WDR86: variants seen among roughly 807,000 people sequenced by gnomAD.
The protein encoded by WDR86 is WD repeat-containing protein 86.
A neutral mutation model predicts 36.5 loss-of-function variants in WDR86; 30 were observed. That is an observed-to-expected ratio of 0.82 (90% CI 0.61 to 1.11). The LOEUF (loss-of-function observed/expected upper bound fraction) is 1.11, where lower values mean the gene tolerates loss of function less well. WDR86 is among the 50% of genes most tolerant of loss of function. The pLI is 0.00. For synonymous variants in WDR86, 255 were observed against 252.9 expected (o/e 1.01, Z -0.08); for missense variants, 545 against 561.2 (o/e 0.97, Z 0.29).
At chr7:151,376,815 G>A, downstream of WDR86, 8 of 1,574,904 alleles carry the variant, frequency 5.1e-6, no homozygotes, top group Non-Finnish European at 1.7e-6. Context: ...TCCGCAGGTA[G>A]GTCTGAGGTC....
At position 151,385,098 on chromosome 7, in the gene WDR86, G is replaced by A. The variant is rs746427907; in HGVS notation, c.852C>T (p.His284=). 1.1e-5 allele frequency: 17 copies of A among 1,604,352 alleles called. No individual in the cohort carries two copies. The East Asian group carries it at 1.8e-4, about 17-fold the overall frequency. The part of the protein sequence containing the change: ...HRRNVSALKY[H]AGTLFTGSGD... ...GGCCAAGTCACTTACAGGTGCCCGC[G>A]TGGTACTTGAGGGCGCTCACGTTGC... The change falls in exon 4 of 6, where the codon CAC becomes CAT. Residue 284 remains histidine (H), a synonymous_variant. Transcript: ENST00000334493.
At chr7:151,403,721 G>A (rs915651865) in intron 1 of WDR86, among the ~76,000 whole-genome samples, 2 of 152,202 alleles carry the variant, frequency 1.3e-5, no homozygotes, top group African/African-American at 4.8e-5. Flanking sequence ...TTGTCAAAAC[G>A]CAGGCTAGAT....
chr7:151,385,411 G>T, intron 3 of WDR86, 188 bp from the exon 4 acceptor site: 1 of 995,704 alleles, frequency 1.0e-6, no homozygotes, highest in Non-Finnish European at 1.4e-6. Context: ...GGCTGCTCCT[G>T]CCCCATGGGG....
At chr7:151,378,717 C>T (rs1031944877), downstream of WDR86, among the ~76,000 whole-genome samples, 3 of 152,164 alleles carry the variant, frequency 2.0e-5, no homozygotes, top group Non-Finnish European at 4.4e-5. Context: ...TGAGGTGACG[C>T]GGAGTCTCAG....
At chr7:151,376,833 G>C (rs765234879), downstream of WDR86, 5 of 1,556,206 alleles carry the variant, frequency 3.2e-6, no homozygotes, top group South Asian at 4.7e-5. Flanking sequence ...GTCTTTGAGG[G>C]CCGCATTGAG....
downstream of WDR86, among the ~76,000 whole-genome samples, chr7:151,373,937 C>A (rs1011586799): frequency 2.6e-5 from 4 of 152,196 alleles, no homozygotes; most frequent in Non-Finnish European, 5.9e-5. Context: ...GGCACCTCTG[C>A]CATTTGGCTG....
chr7:151,388,550 C>T lies in WDR86; in HGVS notation c.727-3327G>A, dbSNP rs1345884089. ...CTCACACCATCTCTGGCCCGACCCT[C>T]TCCAAAGGAGGCCTGTGTGCTCCTG... is the stretch of plus-strand genomic sequence containing the variant. On this transcript the variant is annotated intron_variant, in intron 3 of 5. Coordinates refer to ENST00000334493, the MANE Select transcript of WDR86 (RefSeq NM_198285.3). The surrounding 1 kb of genome is among the most constrained non-coding windows in gnomAD (Gnocchi z 4.2). Among the ~76,000 whole-genome samples, 1 of 152,220 alleles carries T rather than the reference C, an allele frequency of 6.6e-6. No homozygotes were observed.
chr7:151,398,684 T>C (rs891475242), intron 2 of WDR86, among the ~76,000 whole-genome samples: 1 of 151,216 alleles, frequency 6.6e-6, no homozygotes, highest in Admixed American at 6.6e-5. Flanking sequence ...GTTGTGTGTA[T>C]GGTGTATATG....
At chr7:151,377,174 A>AGAG, downstream of WDR86, 1 of 1,590,566 alleles carries the variant, frequency 6.3e-7, no homozygotes, top group South Asian at 1.1e-5. Flanking sequence ...TTATTATTGC[A>AGAG]GAGTACCTAT....
chr7:151,406,294 AC>A lies in WDR86; in HGVS notation c.163+3132del, dbSNP rs1236938127. 6.6e-6 allele frequency among the ~76,000 whole-genome samples: 1 copy of A among 151,580 alleles called. No homozygotes were observed. Among genetic ancestry groups the A allele is most frequent in the African/African-American group, 2.4e-5 (1 of 41,212 alleles). ...GGCCTTCACTCTTCCTCTCCCTCTC[AC>A]CCTTTGGCCCAAACTTTCCTAAGCT... On this transcript the variant is annotated intron_variant, in intron 1 of 5. Transcript: ENST00000334493. The surrounding 1 kb of genome is among the most constrained non-coding windows in gnomAD (Gnocchi z 4.4).
chr7:151,381,321 C>T lies in WDR86; in HGVS notation c.*261G>A, dbSNP rs578123028. 4 of 1,353,126 alleles carry T rather than the reference C, an allele frequency of 3.0e-6. No individual in the cohort carries two copies. The highest frequency in any genetic ancestry group is 3.6e-5 in the South Asian group (2 of 56,036). The allele number at this position is 1,353,126 out of a possible 1,614,324, so 83.8% of individuals were successfully genotyped here. A position where few individuals can be genotyped will look rare whatever the true frequency, so the allele number is the denominator to read the frequency against. On this transcript the variant is annotated 3_prime_UTR_variant, in exon 6 of 6. Coordinates refer to ENST00000334493, the MANE Select transcript of WDR86 (RefSeq NM_198285.3). The surrounding 1 kb of genome is among the most constrained non-coding windows in gnomAD (Gnocchi z 4.8). ...GGAGGGTCCCCAGGACTAGGCCTTT[C>T]GCCAGGTCAGGGATGGGGAGGGAGG...
downstream of WDR86, chr7:151,374,345 G>C (rs772248122): frequency 7.1e-6 from 10 of 1,399,962 alleles, no homozygotes; most frequent in Admixed American, 1.8e-4. Flanking sequence ...CACTCCTATG[G>C]GCTGCCCCGT....
intron 1 of WDR86, among the ~76,000 whole-genome samples, chr7:151,408,055 T>C (rs1412264903): frequency 6.6e-6 from 1 of 152,162 alleles, no homozygotes; most frequent in Non-Finnish European, 1.5e-5. Context: ...TAAGTGTGTG[T>C]GGCTGTTTGG....
downstream of WDR86, chr7:151,377,013 A>C (rs886701569): frequency 2.7e-5 from 41 of 1,497,814 alleles, no homozygotes; most frequent in Non-Finnish European, 3.7e-5. Context: ...CAATCCTCAC[A>C]TAATTCACTT....
intron 2 of WDR86, among the ~76,000 whole-genome samples, chr7:151,399,015 AGCC>A (rs1361250145): frequency 1.3e-5 from 2 of 152,184 alleles, no homozygotes; most frequent in African/African-American, 4.8e-5. Flanking sequence ...TTCTCACTCT[AGCC>A]CCTTCTTTAC....
downstream of WDR86, among the ~76,000 whole-genome samples, chr7:151,372,597 C>T (rs1798012675): frequency 6.6e-6 from 1 of 152,202 alleles, no homozygotes. Flanking sequence ...GTATGAAAGA[C>T]TCCTGCTGGC....
At position 151,381,573 on chromosome 7, in the gene WDR86, C is replaced by T. The variant is rs1221840600; in HGVS notation, c.*9G>A. On this transcript the variant is annotated 3_prime_UTR_variant, in exon 6 of 6. Coordinates refer to ENST00000334493, the MANE Select transcript of WDR86 (RefSeq NM_198285.3). This position sits in a 1 kb window ranked among gnomAD's most constrained non-coding sequence, Gnocchi z 4.8. ...TGTCTGGGCTGGCGTCTGCAGGGGC[C>T]CCGCGGGATCAGGCCGGCTGCAGGG... 3 of 1,372,094 alleles carry T rather than the reference C, an allele frequency of 2.2e-6. No individual in the cohort carries two copies. Among genetic ancestry groups the T allele is most frequent in the Middle Eastern group, 2.7e-4 (1 of 3,768 alleles). The allele number at this position is 1,372,094 out of a possible 1,614,324, so 85.0% of individuals were successfully genotyped here.
rs1034368056 is a variant in WDR86, at chr7:151,397,788, A to G, written c.306-1592T>C. 1.2e-3 allele frequency among the ~76,000 whole-genome samples: 73 copies of G among 59,228 alleles called. 1 individual carries two copies. The highest frequency in any genetic ancestry group is 1.9e-3 in the African/African-American group (36 of 19,012). The allele number at this position is 59,228 out of a possible 152,430, so 38.9% of individuals were successfully genotyped here. ...AAGAGGGCGTAGCAGGAGGAAGGGC[A>G]TAGCGGGAGGAAGGGCATAGCGGGA... is the stretch of plus-strand genomic sequence containing the variant. On this transcript the variant is annotated intron_variant, in intron 2 of 5. Transcript: ENST00000334493.
chr7:151,396,009 GC>G lies in WDR86; in HGVS notation c.492del (p.Leu165PhefsTer3), dbSNP rs763559217. ...TPCAEEAAAG[G>X]LLVTGSTDGT... ...CCATCTGTGCTGCCGGTCACCAGAA[GC>G]CCCCCGGCCGCGGCCTCCTCCGCGC... On this transcript the variant is annotated frameshift_variant, in exon 3 of 6. Coordinates refer to ENST00000334493, the MANE Select transcript of WDR86 (RefSeq NM_198285.3). LOFTEE classifies it high-confidence loss of function. 8.1e-6 allele frequency: 13 copies of G among 1,601,642 alleles called. No homozygotes were observed. The highest frequency in any genetic ancestry group is 1.1e-5 in the South Asian group (1 of 89,844).
Sources: gnomAD v4.1 joint callset for allele counts (sites outside exome capture counted in the v4.1 genomes callset) on GRCh38, gnomAD v4.1.1 for gene constraint, Gnocchi (gnomAD v3.1) non-coding constraint, MANE v1.5 for transcripts, NCBI Gene and HGNC (gene_info 2026-07-23, HGNC 2026-07-21) for gene names.